ATF2: variants seen among roughly 807,000 people sequenced by gnomAD.
ATF2 encodes activating transcription factor 2, also known as cyclic AMP-dependent transcription factor ATF-2.
ATF2 carries 24 observed loss-of-function variants against 60.6 expected under a neutral mutation model. That is an observed-to-expected ratio of 0.40 (90% CI 0.29 to 0.56). The LOEUF (loss-of-function observed/expected upper bound fraction) is 0.56, where lower values mean the gene tolerates loss of function less well. Ranked by LOEUF, ATF2 falls within the 20% of genes least tolerant of loss-of-function variation. The pLI is 0.54. For synonymous variants in ATF2, 206 were observed against 215.4 expected (o/e 0.96, Z 0.38); for missense variants, 433 against 607.7 (o/e 0.71, Z 3.02).
In ATF2 at chr2:175,073,981, T is replaced by A. The variant is rs1559039163; in HGVS notation, c.*628A>T. 6.6e-6 allele frequency: 1 copy of A among 152,176 alleles called. No homozygotes were observed. Among genetic ancestry groups the A allele is most frequent in the Non-Finnish European group, 1.5e-5 (1 of 68,030 alleles). 9.4% of individuals were successfully genotyped at this position (152,176 alleles called of 1,614,324 possible). ...CTTAAATAAAAAAGGAAAATGATTA[T>A]AAATGACCTTGATTTAGCTTAACAA... On this transcript the variant is annotated 3_prime_UTR_variant, in exon 14 of 14. Coordinates refer to ENST00000264110, the MANE Select transcript of ATF2 (RefSeq NM_001880.4).
At chr2:175,113,465 C>T (rs1211256372) in intron 9 of ATF2, among the ~76,000 whole-genome samples, 2 of 151,930 alleles carry the variant, frequency 1.3e-5, no homozygotes, top group South Asian at 4.1e-4. Flanking sequence ...ATTTTGTCTA[C>T]GTCTTTCAAA....
chr2:175,075,880 A>G (rs986623871), intron 13 of ATF2, among the ~76,000 whole-genome samples: 1 of 152,222 alleles, frequency 6.6e-6, no homozygotes, highest in African/African-American at 2.4e-5. Context: ...CATTTTAAAA[A>G]CAGTATCACA....
intron 12 of ATF2, among the ~76,000 whole-genome samples, chr2:175,081,284 T>C (rs1693739737): frequency 6.6e-6 from 1 of 152,180 alleles, no homozygotes; most frequent in Non-Finnish European, 1.5e-5. Context: ...CAAGGCACTC[T>C]TGCTGGACAC....
chr2:175,157,585 T>C (rs1277506220), intron 1 of ATF2, among the ~76,000 whole-genome samples: 3 of 152,222 alleles, frequency 2.0e-5, no homozygotes, highest in African/African-American at 7.2e-5. Context: ...TTGCTGCTGA[T>C]GTGGCCCCTT....
intron 11 of ATF2, among the ~76,000 whole-genome samples, chr2:175,095,578 T>C (rs759305288): frequency 2.6e-5 from 4 of 152,204 alleles, no homozygotes; most frequent in Non-Finnish European, 4.4e-5. Context: ...CTATCAAGGA[T>C]TGGAGGCTTC....
intron 2 of ATF2, among the ~76,000 whole-genome samples, chr2:175,142,639 T>C (rs1698623843): frequency 6.6e-6 from 1 of 152,044 alleles, no homozygotes; most frequent in South Asian, 2.1e-4. Flanking sequence ...GTATCCTGTA[T>C]AAATGATCAA....
chr2:175,135,281 T>A (rs1385902080), intron 3 of ATF2, among the ~76,000 whole-genome samples: 1 of 152,120 alleles, frequency 6.6e-6, no homozygotes, highest in Non-Finnish European at 1.5e-5. Context: ...CAGATTAGTC[T>A]TAAATTAACA....
chr2:175,139,336 T>C (rs1290076885), intron 2 of ATF2, among the ~76,000 whole-genome samples: 2 of 152,200 alleles, frequency 1.3e-5, no homozygotes, highest in East Asian at 3.8e-4. Flanking sequence ...ATAATAACTC[T>C]GCATCTTGGA....
Position 175,130,172 on chromosome 2 carries a change from T to G in ATF2, c.68A>C (p.Lys23Thr). ...YKDLWNMSDD[K>T]PFLCTAPGCG... is the part of the protein sequence containing the mutation. ...TCCAGGCGCAGTACATAGAAAGGGT[T>G]TGTCATCACTCATATTCCACAGGTC... is the stretch of plus-strand genomic sequence containing the variant. Residue 23 changes from lysine to threonine, a missense_variant, in exon 4 of 14, where the codon AAA becomes ACA. Lys to Thr is a moderately conservative substitution (Grantham distance 78). Transcript: ENST00000264110. The G allele has an allele frequency of 6.3e-7, 1 of 1,596,710 alleles. No homozygotes were observed.
chr2:175,076,941 T>G (rs1365588803), intron 13 of ATF2, among the ~76,000 whole-genome samples: 3 of 82,918 alleles, frequency 3.6e-5, no homozygotes, highest in South Asian at 5.1e-4. Flanking sequence ...ATGCTATCCC[T>G]CCCCCCTCCC....
chr2:175,083,446 G>A (rs1187712460), intron 12 of ATF2, among the ~76,000 whole-genome samples: 1 of 152,200 alleles, frequency 6.6e-6, no homozygotes, highest in Non-Finnish European at 1.5e-5. Context: ...CTAGCCATAT[G>A]TAGAAAGCTG....
chr2:175,118,044 T>C lies in ATF2; in HGVS notation c.393A>G (p.Thr131=), dbSNP rs200707593. The C allele has an allele frequency of 1.2e-5, 19 of 1,612,222 alleles. No individual in the cohort carries two copies. Among genetic ancestry groups the C allele is most frequent in the Non-Finnish European group, 1.5e-5 (18 of 1,178,782 alleles). ...SKIEEPSVVE[T]THQDSPLPHP... ...GAGGTAAAGGACTATCCTGGTGAGT[T>C]GTTTCTACAACAGAAGGCTCCTCAA... is the stretch of plus-strand genomic sequence containing the variant. The change falls in exon 7 of 14, where the codon ACA becomes ACG. Residue 131 remains threonine (T), a synonymous_variant. Coordinates refer to ENST00000264110, the MANE Select transcript of ATF2 (RefSeq NM_001880.4).
rs1699285683 is a variant in ATF2 at position 175,151,100 on chromosome 2, C to G, written c.-84G>C. 1 of 152,472 alleles carries G rather than the reference C, an allele frequency of 6.6e-6. No individual in the cohort carries two copies. 9.4% of individuals were successfully genotyped at this position (152,472 alleles called of 1,614,324 possible). ...GCCATGAGCTTTATTTACTCTGCTTCCAGGAATACCTTAGCTGTTATCAAT... is the reference window on the plus strand; with the variant it reads ...GCCATGAGCTTTATTTACTCTGCTTGCAGGAATACCTTAGCTGTTATCAAT... On this transcript the variant is annotated 5_prime_UTR_variant, in exon 2 of 14. Transcript: ENST00000264110.
Position 175,103,128 on chromosome 2 carries a change from T to C in ATF2, c.829-5535A>G, listed in dbSNP as rs143648824. On this transcript the variant is annotated intron_variant, in intron 10 of 13. Coordinates refer to ENST00000264110, the MANE Select transcript of ATF2 (RefSeq NM_001880.4). ...TTTTATCACATCTGTCAGAACTTAG[T>C]AGTAGGAACAAAGTACTCCATCACA... is the stretch of plus-strand genomic sequence containing the variant. Among the ~76,000 whole-genome samples the C allele has an allele frequency of 2.2e-3, 335 of 152,306 alleles. 1 individual carries two copies. The highest frequency in any genetic ancestry group is 4.6e-3 in the South Asian group (22 of 4,828).
intron 13 of ATF2, among the ~76,000 whole-genome samples, chr2:175,077,372 C>T (rs1474544097): frequency 6.6e-6 from 1 of 152,164 alleles, no homozygotes; most frequent in African/African-American, 2.4e-5. Flanking sequence ...GGAATCGCCA[C>T]ACTGACTTCC....
intron 2 of ATF2, among the ~76,000 whole-genome samples, chr2:175,144,632 GTC>G (rs1698823986): frequency 6.6e-6 from 1 of 152,226 alleles, no homozygotes; most frequent in African/African-American, 2.4e-5. Context: ...CCACTGCAGT[GTC>G]TGAGTCTAAG....
At chr2:175,121,755 A>C (rs1317819920) in intron 4 of ATF2, among the ~76,000 whole-genome samples, 1 of 151,576 alleles carries the variant, frequency 6.6e-6, no homozygotes, top group Non-Finnish European at 1.5e-5. Flanking sequence ...CAATACTGAT[A>C]TATTGCTAGG....
At chr2:175,155,405 T>G (rs1699610804) in intron 1 of ATF2, among the ~76,000 whole-genome samples, 1 of 152,216 alleles carries the variant, frequency 6.6e-6, no homozygotes, top group Non-Finnish European at 1.5e-5. Flanking sequence ...ATATTTCTAT[T>G]AAAGGCAAAG....
At chr2:175,118,517 T>C (rs1696738309) in intron 5 of ATF2, 148 bp from the exon 6 acceptor site, 1 of 642,376 alleles carries the variant, frequency 1.6e-6, no homozygotes, top group Non-Finnish European at 2.5e-6. Flanking sequence ...ACAAACAAAA[T>C]TTGGTTAAAT....
Sources: allele counts gnomAD v4.1 joint callset (sites outside exome capture counted in the v4.1 genomes callset), GRCh38; gene constraint gnomAD v4.1.1; transcripts MANE v1.5; gene names NCBI Gene and HGNC (gene_info 2026-07-23, HGNC 2026-07-21).